Variants in CRYL1 observed in about 807,000 individuals in gnomAD.
CRYL1 encodes the protein lambda-crystallin homolog.
A neutral mutation model predicts 36.6 loss-of-function variants in CRYL1; 29 were observed. That is an observed-to-expected ratio of 0.79 (90% CI 0.59 to 1.08). The LOEUF (loss-of-function observed/expected upper bound fraction) is 1.08. Among genes scored for constraint, CRYL1 ranks in the 50% least tolerant of loss-of-function variants. The pLI is 0.00. For missense variants in CRYL1, 411 were observed against 407.9 expected (o/e 1.01, Z -0.06); for synonymous variants, 152 against 151.5 (o/e 1.00, Z -0.02).
rs942033163 is a variant in CRYL1 at position 20,430,805 on chromosome 13, G to A, written c.633+1297C>T. On this transcript the variant is annotated intron_variant, in intron 5 of 7. Coordinates refer to ENST00000298248, the MANE Select transcript of CRYL1 (RefSeq NM_015974.3). ...TAATTCAACAAGTGAACATGGGCAA[G>A]GAGTCTAAAGTTGTTCCCCTTTTCT... 4 of 985,380 alleles carry A rather than the reference G, an allele frequency of 4.1e-6. No individual in the cohort carries two copies. In the East Asian group the frequency reaches 3.4e-4, roughly 84 times the overall value. The allele number at this position is 985,380 out of a possible 1,614,324, so 61.0% of individuals were successfully genotyped here. A position where few individuals can be genotyped will look rare whatever the true frequency, so the allele number is the denominator to read the frequency against.
At chr13:20,497,670 C>A (rs920376061) in intron 2 of CRYL1, among the ~76,000 whole-genome samples, 3 of 150,724 alleles carry the variant, frequency 2.0e-5, no homozygotes, top group Non-Finnish European at 4.4e-5. Flanking sequence ...ACACCACACT[C>A]CACATACACA....
intron 2 of CRYL1, among the ~76,000 whole-genome samples, chr13:20,494,180 A>C (rs2033564976): frequency 6.6e-6 from 1 of 152,206 alleles, no homozygotes; most frequent in African/African-American, 2.4e-5. Context: ...CCAGAAGAAA[A>C]ACATTCATAT....
intron 3 of CRYL1, among the ~76,000 whole-genome samples, chr13:20,467,256 T>C (rs1230304978): frequency 2.0e-5 from 3 of 152,056 alleles, no homozygotes; most frequent in Non-Finnish European, 4.4e-5. Context: ...CCATACAGTA[T>C]AACATTTAAA....
chr13:20,486,450 C>T (rs1316865072), intron 3 of CRYL1, among the ~76,000 whole-genome samples: 1 of 151,878 alleles, frequency 6.6e-6, no homozygotes, highest in Admixed American at 6.6e-5. Context: ...CTTCCTCCCA[C>T]ACAATCCTCC....
At position 20,512,404 on chromosome 13, in the gene CRYL1, C is replaced by A. The variant is rs185656780; in HGVS notation, c.149+39G>T. 2.9e-4 allele frequency: 400 copies of A among 1,399,032 alleles called. No individual in the cohort carries two copies. The African/African-American group carries it at 5.1e-3, about 18-fold the overall frequency. 86.7% of individuals were successfully genotyped at this position (1,399,032 alleles called of 1,614,324 possible). A position where few individuals can be genotyped will look rare whatever the true frequency, so the allele number is the denominator to read the frequency against. ...AACAAGACCAACTGAGAGAAACAGA[C>A]CCACTTCCATTCCTTCTGGAGAGCG... On this transcript the variant is annotated intron_variant, in intron 2 of 7. Transcript: ENST00000298248.
intron 2 of CRYL1, among the ~76,000 whole-genome samples, chr13:20,492,202 A>G (rs561462736): frequency 2.6e-4 from 39 of 152,216 alleles, no homozygotes; most frequent in Non-Finnish European, 5.4e-4. Context: ...CTCATTTATC[A>G]TTCACTGTGT....
chr13:20,430,258 T>TC (rs1405454810), intron 5 of CRYL1: 5 of 985,080 alleles, frequency 5.1e-6, no homozygotes, highest in Non-Finnish European at 6.0e-6. Flanking sequence ...TTTCTTAATT[T>TC]CCCATTTCTC....
At chr13:20,420,489 A>C (rs986805107) in intron 5 of CRYL1, among the ~76,000 whole-genome samples, 6 of 150,558 alleles carry the variant, frequency 4.0e-5, no homozygotes, top group Admixed American at 2.0e-4. Context: ...TGACCTTAAA[A>C]CATCCCGCAG....
At position 20,512,561 on chromosome 13, in the gene CRYL1, A is replaced by T; in HGVS notation, c.42-11T>A. 1 of 1,597,934 alleles carries T rather than the reference A, an allele frequency of 6.3e-7. No individual in the cohort carries two copies. Among genetic ancestry groups the T allele is most frequent in the South Asian group, 1.1e-5 (1 of 90,054 alleles). ...CGCCCAATGACTCCACTGAAGGGAG[A>T]TAAAAGAAAGGATTCGAGTTAATTT... On this transcript the variant is annotated splice_polypyrimidine_tract_variant and intron_variant, in intron 1 of 7. Coordinates refer to ENST00000298248, the MANE Select transcript of CRYL1 (RefSeq NM_015974.3).
chr13:20,466,726 C>G (rs115310416), intron 3 of CRYL1, among the ~76,000 whole-genome samples: 3,658 of 107,570 alleles, frequency 0.034, 161 homozygotes, highest in African/African-American at 0.14. Context: ...GAAGTTGCAC[C>G]TGCTACATAA....
At chr13:20,507,197 G>A (rs2033809195) in intron 2 of CRYL1, among the ~76,000 whole-genome samples, 1 of 152,176 alleles carries the variant, frequency 6.6e-6, no homozygotes, top group Non-Finnish European at 1.5e-5. Context: ...CATGAAAACA[G>A]ACTAATACCG....
intron 6 of CRYL1, among the ~76,000 whole-genome samples, chr13:20,410,640 G>C (rs1164830786): frequency 6.6e-6 from 1 of 152,012 alleles, no homozygotes; most frequent in South Asian, 2.1e-4. Flanking sequence ...AAACAACAAC[G>C]AAAAAAACTA....
intron 3 of CRYL1, among the ~76,000 whole-genome samples, chr13:20,473,513 G>A (rs2033102118): frequency 6.6e-6 from 1 of 152,254 alleles, no homozygotes; most frequent in Admixed American, 6.5e-5. Context: ...AGCGGACCTG[G>A]CCAGAGTGGG....
intron 3 of CRYL1, among the ~76,000 whole-genome samples, chr13:20,467,866 C>G (rs948131209): frequency 2.0e-5 from 3 of 152,168 alleles, no homozygotes; most frequent in Non-Finnish European, 4.4e-5. Flanking sequence ...TGTTAGGAAC[C>G]AGGCCACGCA....
chr13:20,451,920 A>G (rs1456450333), intron 3 of CRYL1, among the ~76,000 whole-genome samples: 2 of 152,236 alleles, frequency 1.3e-5, no homozygotes, highest in Non-Finnish European at 2.9e-5. Context: ...AAAATGTGGT[A>G]CATATAGCCC....
chr13:20,474,463 C>T (rs926787211), intron 3 of CRYL1, among the ~76,000 whole-genome samples: 24 of 152,156 alleles, frequency 1.6e-4, no homozygotes, highest in Admixed American at 5.9e-4. Context: ...AATTTTGTGT[C>T]GCCCTCAGAA....
At chr13:20,404,777 G>GA in intron 6 of CRYL1, 36 bp from the exon 7 acceptor site, 1 of 1,386,414 alleles carries the variant, frequency 7.2e-7, no homozygotes, top group Admixed American at 1.8e-5. Flanking sequence ...CACAATCTCA[G>GA]AAAAAAACAT....
intron 3 of CRYL1, among the ~76,000 whole-genome samples, chr13:20,456,656 A>AACACAC (rs35160798): frequency 0.014 from 2,030 of 142,880 alleles, 37 homozygotes; most frequent in African/African-American, 0.031. Flanking sequence ...CGATTCTTAA[A>AACACAC]ACACACACAC....
intron 3 of CRYL1, among the ~76,000 whole-genome samples, chr13:20,469,686 A>G (rs1382555031): frequency 6.6e-6 from 1 of 152,220 alleles, no homozygotes; most frequent in East Asian, 1.9e-4. Flanking sequence ...TCTGATCCCC[A>G]CAGCCAAGCA....
Sources: allele counts gnomAD v4.1 joint callset (sites outside exome capture counted in the v4.1 genomes callset), GRCh38; gene constraint gnomAD v4.1.1; transcripts MANE v1.5; gene names NCBI Gene and HGNC (gene_info 2026-07-23, HGNC 2026-07-21).